Variants in CD74 observed in about 807,000 individuals in gnomAD.
CD74 encodes HLA class II histocompatibility antigen gamma chain.
A neutral mutation model predicts 37.1 loss-of-function variants in CD74; 20 were observed. The observed-to-expected ratio is 0.54, with a 90% confidence interval of 0.38 to 0.78. The LOEUF (loss-of-function observed/expected upper bound fraction) is 0.78. Ranked by LOEUF, CD74 falls within the 30% of genes least tolerant of loss-of-function variation. The pLI is 0.00. For missense variants in CD74, 338 were observed against 389.5 expected (o/e 0.87, Z 1.11); for synonymous variants, 150 against 152.0 (o/e 0.99, Z 0.10).
intron 1 of CD74, among the ~76,000 whole-genome samples, chr5:150,410,354 C>G (rs1344735626): frequency 6.6e-6 from 1 of 152,148 alleles, no homozygotes; most frequent in Non-Finnish European, 1.5e-5. Flanking sequence ...GATTGGAATC[C>G]TGGCTCTGGA....
Position 150,402,443 on chromosome 5 carries a change from G to A in CD74, c.880+120C>T, listed in dbSNP as rs779864577. 1.8e-5 allele frequency: 17 copies of A among 968,462 alleles called. No homozygotes were observed. The African/African-American group carries it at 2.6e-4, about 15-fold the overall frequency. The allele number at this position is 968,462 out of a possible 1,614,324, so 60.0% of individuals were successfully genotyped here. ...AACCCTGTTCCTTCGTCTGTGAAAT[G>A]GACATCCCAGGAATGTTGGAGAGTG... On this transcript the variant is annotated intron_variant, in intron 8 of 8. Coordinates refer to ENST00000009530, the MANE Select transcript of CD74 (RefSeq NM_001025159.3). This position sits in a 1 kb window ranked among gnomAD's most constrained non-coding sequence, Gnocchi z 4.2.
In CD74 at chr5:150,407,703, T is replaced by G. The variant is rs192426035; in HGVS notation, c.126-379A>C. Among the ~76,000 whole-genome samples, 1 of 152,290 alleles carries G rather than the reference T, an allele frequency of 6.6e-6. No homozygotes were observed. The highest frequency in any genetic ancestry group is 2.4e-5 in the African/African-American group (1 of 41,566). ...GGCTCCCTTTGCCGTGCGGATCTCCTGATGATCAGGGCTGCCCTCAAGGGG... is the reference window on the plus strand; with the variant it reads ...GGCTCCCTTTGCCGTGCGGATCTCCGGATGATCAGGGCTGCCCTCAAGGGG... On this transcript the variant is annotated intron_variant, in intron 1 of 8. Transcript: ENST00000009530. The surrounding 1 kb of genome is among the most constrained non-coding windows in gnomAD (Gnocchi z 4.4).
rs993332153 is a variant in CD74 at position 150,407,434 on chromosome 5, C to G, written c.126-110G>C. 4.7e-5 allele frequency: 38 copies of G among 812,438 alleles called. No individual in the cohort carries two copies. The highest frequency in any genetic ancestry group is 7.0e-5 in the Non-Finnish European group (37 of 525,174). The allele number at this position is 812,438 out of a possible 1,614,324, so 50.3% of individuals were successfully genotyped here. On this transcript the variant is annotated intron_variant, in intron 1 of 8. Coordinates refer to ENST00000009530, the MANE Select transcript of CD74 (RefSeq NM_001025159.3). This position sits in a 1 kb window ranked among gnomAD's most constrained non-coding sequence, Gnocchi z 4.4. Reference sequence around the variant, plus strand: ...CCCCCATCTCCATTAGACCCCTAAGCCACCCCTAATAAACAATGCATTTGA... The same window carrying G: ...CCCCCATCTCCATTAGACCCCTAAGGCACCCCTAATAAACAATGCATTTGA...
At chr5:150,408,470 T>C (rs768798577) in intron 1 of CD74, among the ~76,000 whole-genome samples, 1 of 152,240 alleles carries the variant, frequency 6.6e-6, no homozygotes, top group African/African-American at 2.4e-5. Context: ...GGGTTTCTTC[T>C]TTTAAGCAAG....
At chr5:150,411,659 G>A (rs1770348904) in intron 1 of CD74, among the ~76,000 whole-genome samples, 1 of 152,188 alleles carries the variant, frequency 6.6e-6, no homozygotes, top group African/African-American at 2.4e-5. Context: ...GGATGGCTGT[G>A]CTGGCCTCTG....
rs2151166571 is a variant in CD74, at chr5:150,402,405, C to T, written c.881-155G>A. The T allele has an allele frequency of 1.1e-6, 1 of 884,212 alleles. No individual in the cohort carries two copies. Among genetic ancestry groups the T allele is most frequent in the South Asian group, 1.4e-5 (1 of 69,940 alleles). 54.8% of individuals were successfully genotyped at this position (884,212 alleles called of 1,614,324 possible). A position where few individuals can be genotyped will look rare whatever the true frequency, so the allele number is the denominator to read the frequency against. On this transcript the variant is annotated intron_variant, in intron 8 of 8. Transcript: ENST00000009530. The surrounding 1 kb of genome is among the most constrained non-coding windows in gnomAD (Gnocchi z 4.2). ...TGACCATCATGGATTTGTGTAACTCCCCACAGCCCCCCAACCCTGTTCCTT... is the reference window on the plus strand; with the variant it reads ...TGACCATCATGGATTTGTGTAACTCTCCACAGCCCCCCAACCCTGTTCCTT...
intron 1 of CD74, among the ~76,000 whole-genome samples, chr5:150,409,715 A>AAC (rs1377208915): frequency 6.6e-6 from 1 of 150,512 alleles, no homozygotes; most frequent in African/African-American, 2.4e-5. Context: ...AAAAAAAAAA[A>AAC]AAAAAAACAA....
rs1287794659 is a variant in CD74 at position 150,407,964 on chromosome 5, C to T, written c.126-640G>A. Reference sequence around the variant, plus strand: ...TAGAGACGGGGTTTCACCGTGGTCTCGATCTCCTGATCTCGTGATCCACCC... The same window carrying T: ...TAGAGACGGGGTTTCACCGTGGTCTTGATCTCCTGATCTCGTGATCCACCC... On this transcript the variant is annotated intron_variant, in intron 1 of 8. Coordinates refer to ENST00000009530, the MANE Select transcript of CD74 (RefSeq NM_001025159.3). This position sits in a 1 kb window ranked among gnomAD's most constrained non-coding sequence, Gnocchi z 4.4. Among the ~76,000 whole-genome samples, 8 of 151,956 alleles carry T rather than the reference C, an allele frequency of 5.3e-5. No individual in the cohort carries two copies. The highest frequency in any genetic ancestry group is 3.9e-4 in the East Asian group (2 of 5,186).
chr5:150,403,111 C>T lies in CD74; in HGVS notation c.817+10G>A, dbSNP rs1769738626. 6.2e-7 allele frequency: 1 copy of T among 1,608,754 alleles called. No individual in the cohort carries two copies. ...TGGTCCTCTGACACTGGCACAGTGC[C>T]ACTGCTTACCACTGCAGTTATGGTG... On this transcript the variant is annotated intron_variant, in intron 7 of 8. Coordinates refer to ENST00000009530, the MANE Select transcript of CD74 (RefSeq NM_001025159.3). This position sits in a 1 kb window ranked among gnomAD's most constrained non-coding sequence, Gnocchi z 4.5.
rs754953072 is a variant in CD74 at position 150,402,646 on chromosome 5, C to T, written c.818-21G>A. The T allele has an allele frequency of 4.4e-5, 70 of 1,591,820 alleles. No homozygotes were observed. In the Admixed American group the frequency reaches 5.9e-4, roughly 13 times the overall value. On this transcript the variant is annotated intron_variant, in intron 7 of 8. Transcript: ENST00000009530. The surrounding 1 kb of genome is among the most constrained non-coding windows in gnomAD (Gnocchi z 4.2). Reference sequence around the variant, plus strand: ...TGACTCTGCAAAGGAGCAGCAAGTCCGTTTGTCACTTGAAGTGCAGCCTAC... The same window carrying T: ...TGACTCTGCAAAGGAGCAGCAAGTCTGTTTGTCACTTGAAGTGCAGCCTAC...
At position 150,402,084 on chromosome 5, in the gene CD74, G is replaced by A; in HGVS notation, c.*156C>T. 1 of 1,542,700 alleles carries A rather than the reference G, an allele frequency of 6.5e-7. No individual in the cohort carries two copies. Among genetic ancestry groups the A allele is most frequent in the Non-Finnish European group, 8.7e-7 (1 of 1,146,788 alleles). ...CATTGTTATCTGCTGTTCCGACTTG[G>A]TTTGTCTTGTCCAAGGGTGACGAAA... On this transcript the variant is annotated 3_prime_UTR_variant, in exon 9 of 9. Transcript: ENST00000009530. This position sits in a 1 kb window ranked among gnomAD's most constrained non-coding sequence, Gnocchi z 4.2.
chr5:150,407,788 C>G lies in CD74; in HGVS notation c.126-464G>C, dbSNP rs1770072450. On this transcript the variant is annotated intron_variant, in intron 1 of 8. Transcript: ENST00000009530. This position sits in a 1 kb window ranked among gnomAD's most constrained non-coding sequence, Gnocchi z 4.4. ...TTGTTTTTTGAGACGGAGTCTTGCT[C>G]TGTCGCCCAGGCTGGAGTGCAGTGG... Among the ~76,000 whole-genome samples the G allele has an allele frequency of 6.6e-6, 1 of 152,144 alleles. No homozygotes were observed. Among genetic ancestry groups the G allele is most frequent in the Admixed American group, 6.5e-5 (1 of 15,280 alleles).
At position 150,402,728 on chromosome 5, in the gene CD74, G is replaced by A. The variant is rs2151167917; in HGVS notation, c.818-103C>T. On this transcript the variant is annotated intron_variant, in intron 7 of 8. Transcript: ENST00000009530. This position sits in a 1 kb window ranked among gnomAD's most constrained non-coding sequence, Gnocchi z 4.2. ...CACCTAGCCACAGGCTTAGTGCCTG[G>A]GAAAGCAGGTACCCAGGGAAGGACA... 2 of 973,402 alleles carry A rather than the reference G, an allele frequency of 2.1e-6. No individual in the cohort carries two copies. The highest frequency in any genetic ancestry group is 3.3e-5 in the African/African-American group (2 of 61,480). The allele number at this position is 973,402 out of a possible 1,614,324, so 60.3% of individuals were successfully genotyped here. A position where few individuals can be genotyped will look rare whatever the true frequency, so the allele number is the denominator to read the frequency against.
In CD74 at chr5:150,403,006, C is replaced by T. The variant is rs1393988319; in HGVS notation, c.817+115G>A. 3 of 829,280 alleles carry T rather than the reference C, an allele frequency of 3.6e-6. No individual in the cohort carries two copies. Among genetic ancestry groups the T allele is most frequent in the Non-Finnish European group, 3.8e-6 (2 of 523,062 alleles). The allele number at this position is 829,280 out of a possible 1,614,324, so 51.4% of individuals were successfully genotyped here. A position where few individuals can be genotyped will look rare whatever the true frequency, so the allele number is the denominator to read the frequency against. On this transcript the variant is annotated intron_variant, in intron 7 of 8. Transcript: ENST00000009530. This position sits in a 1 kb window ranked among gnomAD's most constrained non-coding sequence, Gnocchi z 4.5. ...TGGACGCATGACTACGTCACTGCCCCCAGGAGCTGCCATCCTGGGTGTCCT... is the reference window on the plus strand; with the variant it reads ...TGGACGCATGACTACGTCACTGCCCTCAGGAGCTGCCATCCTGGGTGTCCT...
Position 150,402,969 on chromosome 5 carries a change from T to A in CD74, c.817+152A>T, listed in dbSNP as rs535272458. 1.9e-3 allele frequency among the ~76,000 whole-genome samples: 287 copies of A among 152,286 alleles called. 1 individual carries two copies. Among genetic ancestry groups the A allele is most frequent in the Admixed American group, 3.6e-3 (55 of 15,292 alleles). ...AAATAGGAATGCACAGGTGGGTGGA[T>A]GGATAAAGGGCTGGACGCATGACTA... On this transcript the variant is annotated intron_variant, in intron 7 of 8. Transcript: ENST00000009530. This position sits in a 1 kb window ranked among gnomAD's most constrained non-coding sequence, Gnocchi z 4.2.
At chr5:150,404,851 C>T (rs11749903) in intron 5 of CD74, 84 bp from the exon 6 acceptor site, 108,826 of 1,007,122 alleles carry the variant, frequency 0.11, 7,073 homozygotes, top group East Asian at 0.28. Context: ...GGGACAGAAA[C>T]ATGCAGGGCC....
chr5:150,412,672 G>T lies in CD74; in HGVS notation c.78C>A (p.Asn26Lys). 1.2e-6 allele frequency: 2 copies of T among 1,613,990 alleles called. No individual in the cohort carries two copies. Among genetic ancestry groups the T allele is most frequent in the Non-Finnish European group, 8.5e-7 (1 of 1,180,000 alleles). The change falls in exon 1 of 9, where the codon AAC becomes AAA. Residue 26 changes from asparagine to lysine, a missense_variant. Coordinates refer to ENST00000009530, the MANE Select transcript of CD74 (RefSeq NM_001025159.3). ...VMDDQRDLISNNEQLPMLGRR... is the reference protein window; with the variant it reads ...VMDDQRDLISKNEQLPMLGRR... ...GGCCCAGCATGGGCAGTTGCTCATT[G>T]TTGGAGATAAGGTCGCGCTGGTCAT...
chr5:150,408,227 G>A (rs935007450), intron 1 of CD74, among the ~76,000 whole-genome samples: 4 of 152,124 alleles, frequency 2.6e-5, no homozygotes, highest in Admixed American at 6.6e-5. Context: ...AAGTGGGACC[G>A]GGACAGCAGA....
At position 150,403,009 on chromosome 5, in the gene CD74, G is replaced by A. The variant is rs539108856; in HGVS notation, c.817+112C>T. ...ACGCATGACTACGTCACTGCCCCCA[G>A]GAGCTGCCATCCTGGGTGTCCTGGT... On this transcript the variant is annotated intron_variant, in intron 7 of 8. Coordinates refer to ENST00000009530, the MANE Select transcript of CD74 (RefSeq NM_001025159.3). The surrounding 1 kb of genome is among the most constrained non-coding windows in gnomAD (Gnocchi z 4.5). 3.5e-6 allele frequency: 3 copies of A among 847,902 alleles called. No homozygotes were observed. The South Asian group carries it at 5.0e-5, about 14-fold the overall frequency. 52.5% of individuals were successfully genotyped at this position (847,902 alleles called of 1,614,324 possible). A position where few individuals can be genotyped will look rare whatever the true frequency, so the allele number is the denominator to read the frequency against.
Sources: gnomAD v4.1 joint callset for allele counts (sites outside exome capture counted in the v4.1 genomes callset) on GRCh38, gnomAD v4.1.1 for gene constraint, Gnocchi (gnomAD v3.1) non-coding constraint, MANE v1.5 for transcripts, NCBI Gene and HGNC (gene_info 2026-07-23, HGNC 2026-07-21) for gene names.